The following SDHAF4 variants were observed in gnomAD, a reference collection of about 807,000 sequenced individuals.
The protein encoded by SDHAF4 is succinate dehydrogenase assembly factor 4, mitochondrial.
In SDHAF4, 14 loss-of-function variants were observed where a neutral mutation model predicts 14.3. The observed-to-expected ratio is 0.98, with a 90% CI of 0.65 to 1.53. SDHAF4 has a LOEUF of 1.53. Among genes scored for constraint, SDHAF4 ranks in the 40% most tolerant of loss-of-function variants. SDHAF4 has a pLI of 0.00. For synonymous variants in SDHAF4, 63 were observed against 47.3 expected (o/e 1.33, Z -1.36); for missense variants, 141 against 129.3 (o/e 1.09, Z -0.44).
chr6:70,572,792 G>T (rs949287335), intron 1 of SDHAF4, among the ~76,000 whole-genome samples: 11 of 151,992 alleles, frequency 7.2e-5, no homozygotes, highest in Non-Finnish European at 1.0e-4. Context: ...ACATTCCTCT[G>T]TTCAGACTCG....
At chr6:70,594,044 G>A (rs1021283386), downstream of SDHAF4, among the ~76,000 whole-genome samples, 21 of 152,210 alleles carry the variant, frequency 1.4e-4, no homozygotes, top group Non-Finnish European at 1.9e-4. Flanking sequence ...CTTGTTAGGG[G>A]CCGATTACTC....
In SDHAF4 at chr6:70,583,011, C is replaced by T. The variant is rs559640488; in HGVS notation, c.217+3445C>T. On this transcript the variant is annotated intron_variant, in intron 2 of 2. Coordinates refer to ENST00000370474, the MANE Select transcript of SDHAF4 (RefSeq NM_145267.3). ...AAGGAAGATGAGATAATGTAAATAA[C>T]GATGAACAGGACATCATGTGGTAAC... Among the ~76,000 whole-genome samples, 125 of 152,138 alleles carry T rather than the reference C, an allele frequency of 8.2e-4. 1 individual carries two copies. Among genetic ancestry groups the T allele is most frequent in the Admixed American group, 4.5e-3 (68 of 15,266 alleles).
At chr6:70,573,867 G>A (rs1045312285) in intron 1 of SDHAF4, among the ~76,000 whole-genome samples, 1 of 150,962 alleles carries the variant, frequency 6.6e-6, no homozygotes, top group African/African-American at 2.4e-5. Flanking sequence ...GTAGAGATGG[G>A]GTTCCACCTT....
At chr6:70,582,695 T>A (rs1337390418) in intron 2 of SDHAF4, among the ~76,000 whole-genome samples, 1 of 152,138 alleles carries the variant, frequency 6.6e-6, no homozygotes, top group Non-Finnish European at 1.5e-5. Context: ...GACTGATCAC[T>A]AACCAAGTCC....
rs958259356 is a variant in SDHAF4, at chr6:70,582,133, G to A, written c.217+2567G>A. ...GTCACCCAGGCTGAAGTGCAGTGGC[G>A]CCATCACAGCTCACTGCACCCTCAA... On this transcript the variant is annotated intron_variant, in intron 2 of 2. Transcript: ENST00000370474. 2.6e-5 allele frequency among the ~76,000 whole-genome samples: 4 copies of A among 152,060 alleles called. 1 individual carries two copies. Among genetic ancestry groups the A allele is most frequent in the East Asian group, 1.9e-4 (1 of 5,192 alleles).
chr6:70,567,145 C>G (rs930205663), intron 1 of SDHAF4, 141 bp downstream of exon 1: 2 of 824,546 alleles, frequency 2.4e-6, no homozygotes, highest in African/African-American at 3.5e-5. Context: ...TCCCGCCCAG[C>G]CGCCCACCCG....
intron 1 of SDHAF4, among the ~76,000 whole-genome samples, chr6:70,570,598 C>G (rs1802167525): frequency 6.7e-6 from 1 of 149,698 alleles, no homozygotes; most frequent in African/African-American, 2.5e-5. Flanking sequence ...CCGTGCCCCC[C>G]ACCACCCTCC....
At chr6:70,572,620 CTTA>C (rs964929255) in intron 1 of SDHAF4, among the ~76,000 whole-genome samples, 4 of 150,458 alleles carry the variant, frequency 2.7e-5, no homozygotes, top group African/African-American at 7.3e-5. Flanking sequence ...TCATTTTTTT[CTTA>C]TTATCTTATT....
the SDHAF4 span, among the ~76,000 whole-genome samples, chr6:70,595,848 A>AG: frequency 3.2e-5 from 4 of 125,830 alleles, no homozygotes; most frequent in Admixed American, 7.5e-5. Context: ...AAAAAAAAAA[A>AG]AAAAGAAAAG....
chr6:70,576,900 A>G (rs995537289), intron 1 of SDHAF4, among the ~76,000 whole-genome samples: 3 of 152,210 alleles, frequency 2.0e-5, no homozygotes, highest in Non-Finnish European at 2.9e-5. Flanking sequence ...CTGCTGTAAC[A>G]TATTACCACA....
chr6:70,582,449 C>T (rs1240617689), intron 2 of SDHAF4, among the ~76,000 whole-genome samples: 1 of 152,202 alleles, frequency 6.6e-6, no homozygotes, highest in Non-Finnish European at 1.5e-5. Context: ...CATCACTCTC[C>T]TGTCTCCATT....
downstream of SDHAF4, among the ~76,000 whole-genome samples, chr6:70,593,986 C>T (rs890960333): frequency 4.6e-5 from 7 of 152,182 alleles, no homozygotes; most frequent in African/African-American, 9.7e-5. Context: ...TGAGACACTG[C>T]GCCTGGCTGA....
Position 70,588,942 on chromosome 6 carries a change from A to G in SDHAF4, c.*218A>G, listed in dbSNP as rs754990150. The G allele has an allele frequency of 2.2e-4, 44 of 201,028 alleles. 1 individual carries two copies. Among genetic ancestry groups the G allele is most frequent in the Middle Eastern group, 4.2e-3 (2 of 472 alleles). The allele number at this position is 201,028 out of a possible 1,614,324, so 12.5% of individuals were successfully genotyped here. A position where few individuals can be genotyped will look rare whatever the true frequency, so the allele number is the denominator to read the frequency against. On this transcript the variant is annotated 3_prime_UTR_variant, in exon 3 of 3. Coordinates refer to ENST00000370474, the MANE Select transcript of SDHAF4 (RefSeq NM_145267.3). Reference sequence around the variant, plus strand: ...ATGGAGAAATCTCGCCTTTACTAAAAATACAAAATTAGCCAGGCGTGGTGG... The same window carrying G: ...ATGGAGAAATCTCGCCTTTACTAAAGATACAAAATTAGCCAGGCGTGGTGG...
chr6:70,591,839 G>A (rs952436088), downstream of SDHAF4, among the ~76,000 whole-genome samples: 22 of 152,350 alleles, frequency 1.4e-4, no homozygotes, highest in African/African-American at 4.8e-4. Flanking sequence ...AATCCCCAAT[G>A]TCTCAGTAGT....
Position 70,588,638 on chromosome 6 carries a change from G to A in SDHAF4, c.241G>A (p.Val81Met). The change falls in exon 3 of 3, where the codon GTG (valine) becomes ATG (methionine). Residue 81 changes from valine (V) to methionine (M), a missense_variant. Physicochemically the swap from Val to Met is conservative, Grantham distance 21. Transcript: ENST00000370474. ...AGAATTTCCAGATGATGTTAATCCA[G>A]TGACCAAAGAAAAAGGTGGACCCAG... is the stretch of plus-strand genomic sequence containing the variant. ...LEKFPDDVNP[V>M]TKEKGGPRGP... 1.9e-6 allele frequency: 3 copies of A among 1,598,278 alleles called. No homozygotes were observed. Among genetic ancestry groups the A allele is most frequent in the Non-Finnish European group, 2.6e-6 (3 of 1,169,494 alleles).
chr6:70,589,656 A>G (rs1160629233), downstream of SDHAF4: 1 of 152,222 alleles, frequency 6.6e-6, no homozygotes, highest in Admixed American at 6.5e-5. Context: ...CACAATAATA[A>G]CAGAAAATCT....
chr6:70,572,209 C>T (rs562129564), intron 1 of SDHAF4, among the ~76,000 whole-genome samples: 2 of 151,954 alleles, frequency 1.3e-5, no homozygotes, highest in Admixed American at 6.6e-5. Context: ...GAATTACAGG[C>T]GTGCACCACC....
chr6:70,572,248 A>G (rs1802191907), intron 1 of SDHAF4, among the ~76,000 whole-genome samples: 1 of 151,546 alleles, frequency 6.6e-6, no homozygotes, highest in African/African-American at 2.4e-5. Context: ...TGTTTTTAGT[A>G]GAGACGAGGT....
chr6:70,587,835 A>G, intron 2 of SDHAF4, among the ~76,000 whole-genome samples: 1 of 152,144 alleles, frequency 6.6e-6, no homozygotes, highest in East Asian at 1.9e-4. Flanking sequence ...TAAGAATAAT[A>G]ATTACTATTA....
Sources: allele counts gnomAD v4.1 joint callset (sites outside exome capture counted in the v4.1 genomes callset), GRCh38; gene constraint gnomAD v4.1.1; transcripts MANE v1.5; gene names NCBI Gene and HGNC (gene_info 2026-07-23, HGNC 2026-07-21).